Variants in AGAP9 observed in about 807,000 individuals in gnomAD.
AGAP9 encodes ArfGAP with GTPase domain, ankyrin repeat and PH domain 9.
In AGAP9, 23 loss-of-function variants were observed where a neutral mutation model predicts 55.6. The observed-to-expected ratio is 0.41, with a 90% CI of 0.30 to 0.59. The LOEUF is 0.59. Among genes scored for constraint, AGAP9 ranks in the 20% least tolerant of loss-of-function variants. The pLI is 0.25. For missense variants in AGAP9, 309 were observed against 808.1 expected (o/e 0.38, Z 7.49); for synonymous variants, 120 against 305.0 (o/e 0.39, Z 6.32).
In AGAP9 at chr10:47,502,167, C is replaced by T. The variant is rs2132469521; in HGVS notation, c.1962G>A (p.Thr654=). ...TGWTSWPEMP[T]GTQR ...CGGGCGTAGGTCAGCGCTGTGTTCCCGTGGGCATCTCGGGCCATGACGTCC... is the reference window on the plus strand; with the variant it reads ...CGGGCGTAGGTCAGCGCTGTGTTCCTGTGGGCATCTCGGGCCATGACGTCC... The change falls in exon 8 of 8, where the codon ACG becomes ACA. Residue 654 remains threonine, a synonymous_variant. Transcript: ENST00000452145. The T allele has an allele frequency of 1.2e-5, 18 of 1,559,726 alleles. 2 individuals are homozygous for T. Among genetic ancestry groups the T allele is most frequent in the East Asian group, 1.0e-4 (4 of 38,490 alleles).
At position 47,502,224 on chromosome 10, in the gene AGAP9, C is replaced by A; in HGVS notation, c.1905G>T (p.Gly635=). Residue 635 remains glycine, a synonymous_variant, in exon 8 of 8, where the codon GGG becomes GGT. Coordinates refer to ENST00000452145, the MANE Select transcript of AGAP9 (RefSeq NM_001190810.1). The part of the protein sequence containing the change: ...CTALHLACRK[G]NVVLEQLLTG... ...TCAGGAGCTGCTCCAGGACCACATT[C>A]CCCTTGCGGCAGGCCAGATGGAGTG... is the stretch of plus-strand genomic sequence containing the variant. 2 of 1,572,882 alleles carry A rather than the reference C, an allele frequency of 1.3e-6. No homozygotes were observed. Among genetic ancestry groups the A allele is most frequent in the South Asian group, 1.1e-5 (1 of 89,136 alleles).
chr10:47,510,116 C>G, intron 5 of AGAP9, 55 bp downstream of exon 5: 1 of 1,251,942 alleles, frequency 8.0e-7, no homozygotes, highest in Non-Finnish European at 1.1e-6. Context: ...AACCAAATGG[C>G]TGAAATAATT....
At chr10:47,511,184 C>G (rs1440006269) in intron 4 of AGAP9, among the ~76,000 whole-genome samples, 2 of 138,144 alleles carry the variant, frequency 1.4e-5, no homozygotes, top group Non-Finnish European at 3.1e-5. Context: ...ACCTCGTGAT[C>G]TGCCTGCCTC....
chr10:47,504,712 C>T (rs1455563435), intron 6 of AGAP9, among the ~76,000 whole-genome samples: 1 of 126,252 alleles, frequency 7.9e-6, no homozygotes, highest in Non-Finnish European at 1.6e-5. Flanking sequence ...AGAGGCCAGT[C>T]TTTGAGGAAC....
chr10:47,502,691 C>T lies in AGAP9; in HGVS notation c.1438G>A (p.Val480Met). 6.2e-7 allele frequency: 1 copy of T among 1,608,574 alleles called. No homozygotes were observed. The highest frequency in any genetic ancestry group is 8.5e-7 in the Non-Finnish European group (1 of 1,178,642). The change falls in exon 8 of 8, where the codon GTG becomes ATG. Residue 480 changes from valine to methionine, a missense_variant. Transcript: ENST00000452145. ...IQNMRGNAHC[V>M]DCETQNPKWA... ...TTAGGATTCTGGGTCTCACAGTCCA[C>T]ACAGTGGGCGTTCCCACGCATGTTT... is the stretch of plus-strand genomic sequence containing the variant.
chr10:47,522,310 T>C (rs1840864680), intron 2 of AGAP9, among the ~76,000 whole-genome samples: 1 of 146,794 alleles, frequency 6.8e-6, no homozygotes, highest in South Asian at 2.2e-4. Flanking sequence ...AAATAAAGTC[T>C]GTTAAGTCAC....
At chr10:47,521,097 C>CGA (rs1840820078) in intron 2 of AGAP9, among the ~76,000 whole-genome samples, 1 of 119,282 alleles carries the variant, frequency 8.4e-6, no homozygotes, top group Admixed American at 8.6e-5. Flanking sequence ...TGTGATATCT[C>CGA]TAAGTTTTCA....
rs2132470195 is a variant in AGAP9 at position 47,502,509 on chromosome 10, G to T, written c.1620C>A (p.Ala540=). ...KVMSSIGNEL[A]NSIWEGSSQG... ...GGCTGCTCCCTTCCCAGATGCTGTT[G>T]GCTAGCTCATTGCCAATAGATGACA... is the stretch of plus-strand genomic sequence containing the variant. Residue 540 remains alanine, a synonymous_variant, in exon 8 of 8, where the codon GCC becomes GCA. Transcript: ENST00000452145. 6.2e-7 allele frequency: 1 copy of T among 1,613,140 alleles called. No homozygotes were observed. Among genetic ancestry groups the T allele is most frequent in the African/African-American group, 1.3e-5 (1 of 74,692 alleles).
intron 2 of AGAP9, among the ~76,000 whole-genome samples, chr10:47,520,943 GAC>G (rs1166009441): frequency 2.6e-5 from 3 of 116,054 alleles, no homozygotes; most frequent in Non-Finnish European, 5.0e-5. Flanking sequence ...AGTTTTAAAA[GAC>G]AGTCTATTTT....
In AGAP9 at chr10:47,502,191, C is replaced by T; in HGVS notation, c.1938G>A (p.Trp646Ter). ...CCGTGGGCATCTCGGGCCATGACGT[C>T]CACCCCGTCAGGAGCTGCTCCAGGA... is the stretch of plus-strand genomic sequence containing the variant. ...NVVLEQLLTGWTSWPEMPTGT... is the reference protein window; with the variant it reads ...NVVLEQLLTG The change falls in exon 8 of 8, where the codon TGG (tryptophan) becomes TGA (stop). Residue 646 changes from tryptophan (W) to a stop codon, truncating the protein, a stop_gained. Transcript: ENST00000452145. LOFTEE classifies it high-confidence loss of function. 1 of 1,541,534 alleles carries T rather than the reference C, an allele frequency of 6.5e-7. No individual in the cohort carries two copies. Among genetic ancestry groups the T allele is most frequent in the Non-Finnish European group, 8.8e-7 (1 of 1,141,988 alleles).
rs1479547478 is a variant in AGAP9 at position 47,507,610 on chromosome 10, A to T, written c.498-27T>A. 83 of 1,530,658 alleles carry T rather than the reference A, an allele frequency of 5.4e-5. 20 individuals are homozygous for T. In the African/African-American group the frequency reaches 1.1e-3, roughly 20 times the overall value. The allele number at this position is 1,530,658 out of a possible 1,614,324, so 94.8% of individuals were successfully genotyped here. A position where few individuals can be genotyped will look rare whatever the true frequency, so the allele number is the denominator to read the frequency against. ...TGTGGAAGGAAAACAAATTCATAACAATAGATGTTATCATTTGTTAGGCCT... is the reference window on the plus strand; with the variant it reads ...TGTGGAAGGAAAACAAATTCATAACTATAGATGTTATCATTTGTTAGGCCT... On this transcript the variant is annotated intron_variant, in intron 5 of 7. Coordinates refer to ENST00000452145, the MANE Select transcript of AGAP9 (RefSeq NM_001190810.1).
intron 4 of AGAP9, among the ~76,000 whole-genome samples, chr10:47,513,288 C>G (rs1840665989): frequency 7.0e-6 from 1 of 143,108 alleles, no homozygotes. Context: ...CCGCCTCAGC[C>G]TCCCAAAGTG....
intron 4 of AGAP9, among the ~76,000 whole-genome samples, chr10:47,510,931 A>T (rs1325653845): frequency 0.044 from 5,661 of 128,200 alleles, 216 homozygotes; most frequent in African/African-American, 0.1. Flanking sequence ...TTAATTAATT[A>T]ATTAATTTAT....
rs1201348283 is a variant in AGAP9, at chr10:47,510,178, T to C, written c.490A>G (p.Ile164Val). Residue 164 changes from isoleucine (I) to valine (V), a missense_variant, in exon 5 of 8, where the codon ATA becomes GTA. By Grantham distance (29) the Ile-to-Val change is conservative. Coordinates refer to ENST00000452145, the MANE Select transcript of AGAP9 (RefSeq NM_001190810.1). ...TAIQHYLTMT[I>V]ISVTLEIPHH... ...CAGCATAGTTGTACTCACGATATTA[T>C]TGTCATTGTAAGATAATGCTGGATG... is the stretch of plus-strand genomic sequence containing the variant. The C allele has an allele frequency of 6.7e-6, 9 of 1,340,722 alleles. No homozygotes were observed. Among genetic ancestry groups the C allele is most frequent in the South Asian group, 3.8e-5 (3 of 78,554 alleles). The allele number at this position is 1,340,722 out of a possible 1,614,324, so 83.1% of individuals were successfully genotyped here.
chr10:47,511,092 C>T lies in AGAP9; in HGVS notation c.397-821G>A, dbSNP rs1204297459. ...CTGAGTAGCTGGGACTACAGGCGCC[C>T]ACCACCATGCCCGGCTAACTTTTTG... is the stretch of plus-strand genomic sequence containing the variant. On this transcript the variant is annotated intron_variant, in intron 4 of 7. Coordinates refer to ENST00000452145, the MANE Select transcript of AGAP9 (RefSeq NM_001190810.1). 1.9e-4 allele frequency among the ~76,000 whole-genome samples: 23 copies of T among 123,856 alleles called. 6 individuals carry two copies. The highest frequency in any genetic ancestry group is 6.7e-4 in the Admixed American group (8 of 11,996). The allele number at this position is 123,856 out of a possible 152,430, so 81.3% of individuals were successfully genotyped here.
At position 47,502,452 on chromosome 10, in the gene AGAP9, C is replaced by G. The variant is rs1184053451; in HGVS notation, c.1677G>C (p.Thr559=). 5.6e-6 allele frequency: 9 copies of G among 1,612,532 alleles called. No individual in the cohort carries two copies. The highest frequency in any genetic ancestry group is 3.3e-5 in the South Asian group (3 of 91,018). ...QGQTKPSIKS[T]REEKEWWIRS... ...GGATCCACCATTCCTTCTCTTCCCT[C>G]GTGGACTTTATTGAGGGTTTTGTCT... Residue 559 remains threonine (T), a synonymous_variant, in exon 8 of 8, where the codon ACG becomes ACC. Coordinates refer to ENST00000452145, the MANE Select transcript of AGAP9 (RefSeq NM_001190810.1).
Position 47,515,917 on chromosome 10 carries a change from T to A in AGAP9, c.396+1906A>T, listed in dbSNP as rs1452222976. 2.0e-4 allele frequency among the ~76,000 whole-genome samples: 23 copies of A among 115,560 alleles called. 1 individual carries two copies. In the Admixed American group the frequency reaches 2.1e-3, roughly 11 times the overall value. The allele number at this position is 115,560 out of a possible 152,430, so 75.8% of individuals were successfully genotyped here. A position where few individuals can be genotyped will look rare whatever the true frequency, so the allele number is the denominator to read the frequency against. On this transcript the variant is annotated intron_variant, in intron 4 of 7. Transcript: ENST00000452145. ...AAGCAGGCCAGGGACCACCACACAT[T>A]GGAGGGAAGCCTCCAAGAAAAGAGA...
At chr10:47,506,726 G>A (rs1163316831) in intron 6 of AGAP9, among the ~76,000 whole-genome samples, 17 of 144,210 alleles carry the variant, frequency 1.2e-4, no homozygotes, top group East Asian at 2.8e-4. Flanking sequence ...TGCAACCTCC[G>A]CCTCCCAAGT....
rs1471806931 is a variant in AGAP9, at chr10:47,506,341, C to CT, written c.533+1206dup. 8.7e-5 allele frequency among the ~76,000 whole-genome samples: 12 copies of CT among 138,248 alleles called. 2 individuals carry two copies. Among genetic ancestry groups the CT allele is most frequent in the African/African-American group, 2.7e-4 (10 of 37,206 alleles). The allele number at this position is 138,248 out of a possible 152,430, so 90.7% of individuals were successfully genotyped here. On this transcript the variant is annotated intron_variant, in intron 6 of 7. Transcript: ENST00000452145. ...AGGTCATCTTATTGCTTCTTTTTCT[C>CT]TTTTTTTGAGACAGAGTCTCTCTCT... is the stretch of plus-strand genomic sequence containing the variant.
Sources: gnomAD v4.1 joint callset for allele counts (sites outside exome capture counted in the v4.1 genomes callset) on GRCh38, gnomAD v4.1.1 for gene constraint, MANE v1.5 for transcripts, NCBI Gene and HGNC (gene_info 2026-07-23, HGNC 2026-07-21) for gene names.